Variants in CARS2 observed in about 807,000 individuals in gnomAD.
CARS2 encodes cysteinyl-tRNA synthetase 2, mitochondrial.
Under a neutral mutation model 68.8 loss-of-function variants are expected in CARS2, and 52 were observed. The ratio of observed to expected loss-of-function variants is 0.76; its 90% CI spans 0.61 to 0.95. The LOEUF is 0.95. Among genes scored for constraint, CARS2 ranks in the 40% least tolerant of loss-of-function variants. The probability of loss-of-function intolerance (pLI) is 0.00; values close to 1 mark genes in which losing one functional copy is unlikely to be tolerated. For missense variants in CARS2, 780 were observed against 754.2 expected (o/e 1.03, Z -0.40); for synonymous variants, 314 against 303.6 (o/e 1.03, Z -0.36).
intron 3 of CARS2, among the ~76,000 whole-genome samples, chr13:110,694,403 G>A (rs1269822119): frequency 6.6e-6 from 1 of 151,810 alleles, no homozygotes; most frequent in African/African-American, 2.4e-5. Flanking sequence ...TTGGGAGGCT[G>A]AGGCAGCTGG....
chr13:110,667,278 G>T, intron 8 of CARS2, 62 bp downstream of exon 8: 2 of 1,451,392 alleles, frequency 1.4e-6, no homozygotes, highest in Non-Finnish European at 1.9e-6. Flanking sequence ...TAGCTGTTCC[G>T]CCGACAAAGA....
At chr13:110,713,115 G>C (rs779842071) in intron 1 of CARS2, 3 of 1,430,992 alleles carry the variant, frequency 2.1e-6, no homozygotes, top group Non-Finnish European at 2.7e-6. Flanking sequence ...CTAGTAGTAA[G>C]AGTCCGGGGG....
intron 7 of CARS2, among the ~76,000 whole-genome samples, chr13:110,675,604 G>A (rs1377095446): frequency 4.6e-5 from 7 of 152,078 alleles, no homozygotes; most frequent in South Asian, 2.1e-4. Flanking sequence ...TATACCTAAC[G>A]TAGATGAGGA....
rs544582167 is a variant in CARS2, at chr13:110,661,151, A to G, written c.987+2300T>C. ...AAGTCACCAGCTACATTAGCCCCTAACAATAGTCAGCCTGTCCTTTGAAGC... is the reference window on the plus strand; with the variant it reads ...AAGTCACCAGCTACATTAGCCCCTAGCAATAGTCAGCCTGTCCTTTGAAGC... On this transcript the variant is annotated intron_variant, in intron 9 of 14. Transcript: ENST00000257347. Among the ~76,000 whole-genome samples, 105 of 152,342 alleles carry G rather than the reference A, an allele frequency of 6.9e-4. No individual in the cohort carries two copies. The Middle Eastern group carries it at 0.021, about 30-fold the overall frequency.
upstream of CARS2, chr13:110,706,181 G>T (rs2063954439): frequency 1.5e-5 from 14 of 964,316 alleles, no homozygotes; most frequent in Non-Finnish European, 3.9e-6. Context: ...GCCCCGCCCC[G>T]CCCCGCCCAC....
chr13:110,669,242 G>A (rs1315847855), intron 7 of CARS2, among the ~76,000 whole-genome samples: 2 of 152,168 alleles, frequency 1.3e-5, no homozygotes, highest in Non-Finnish European at 2.9e-5. Flanking sequence ...TGGGGGACAA[G>A]GCCTTCCCTC....
upstream of CARS2, among the ~76,000 whole-genome samples, chr13:110,711,311 G>A (rs1333782541): frequency 1.3e-5 from 2 of 152,106 alleles, no homozygotes; most frequent in Non-Finnish European, 2.9e-5. Context: ...CCCCTCCTAG[G>A]TTCAAGTGAT....
rs1164026172 is a variant in CARS2, at chr13:110,706,020, C to T, written c.74G>A (p.Gly25Glu). 7.0e-7 allele frequency: 1 copy of T among 1,435,752 alleles called. No individual in the cohort carries two copies. Among genetic ancestry groups the T allele is most frequent in the Admixed American group, 2.7e-5 (1 of 36,564 alleles). The allele number at this position is 1,435,752 out of a possible 1,614,324, so 88.9% of individuals were successfully genotyped here. The change falls in exon 1 of 15, where the codon GGG (glycine) becomes GAG (glutamate). Residue 25 changes from glycine to glutamate, a missense_variant. Transcript: ENST00000257347. ...CGCCCGGCCCGCAGGCCAGTGCCAC[C>T]CAGCCCGCCCAAGGCCCAGCGCGGC... is the stretch of plus-strand genomic sequence containing the variant. ...LQAALGLGRA[G>E]WHWPAGRAAS...
intron 6 of CARS2, among the ~76,000 whole-genome samples, chr13:110,679,650 C>CAGAG (rs1234954051): frequency 7.0e-5 from 3 of 43,162 alleles, no homozygotes; most frequent in South Asian, 2.5e-3. Flanking sequence ...CGGGCGTGAC[C>CAGAG]GGAGGGAGGG....
intron 10 of CARS2, among the ~76,000 whole-genome samples, chr13:110,647,465 C>T (rs1346159468): frequency 6.6e-6 from 1 of 152,208 alleles, no homozygotes; most frequent in Non-Finnish European, 1.5e-5. Flanking sequence ...AACAAGGTGG[C>T]GGTGGAGACA....
chr13:110,660,800 C>T (rs537004944), intron 9 of CARS2, among the ~76,000 whole-genome samples: 5 of 137,864 alleles, frequency 3.6e-5, no homozygotes, highest in South Asian at 2.3e-4. Flanking sequence ...GTCTAGCTGT[C>T]GCCCAGGCTG....
chr13:110,709,254 C>G (rs1318740739), upstream of CARS2, among the ~76,000 whole-genome samples: 1 of 151,718 alleles, frequency 6.6e-6, no homozygotes, highest in African/African-American at 2.4e-5. Context: ...GCCACCATGC[C>G]CAGCTAATTT....
Position 110,701,666 on chromosome 13 carries a change from C to CA in CARS2, c.276-112dup, listed in dbSNP as rs138129970. ...GCTCCATAACTTCTACTGTGTAGCA[C>CA]AATGGACAGGTCAGCGGAGCAGGTA... On this transcript the variant is annotated intron_variant, in intron 2 of 14. Coordinates refer to ENST00000257347, the MANE Select transcript of CARS2 (RefSeq NM_024537.4). 0.014 allele frequency: 9,839 copies of CA among 680,934 alleles called. 553 individuals carry two copies. The highest frequency in any genetic ancestry group is 0.13 in the African/African-American group (7,621 of 56,582). The allele number at this position is 680,934 out of a possible 1,614,324, so 42.2% of individuals were successfully genotyped here. A position where few individuals can be genotyped will look rare whatever the true frequency, so the allele number is the denominator to read the frequency against.
chr13:110,647,431 G>C (rs924337935), intron 10 of CARS2, among the ~76,000 whole-genome samples, 192 bp from the exon 11 acceptor site: 1 of 152,262 alleles, frequency 6.6e-6, no homozygotes, highest in South Asian at 2.1e-4. Flanking sequence ...GTCTGTCCCA[G>C]CTCAGTGGCA....
In CARS2 at chr13:110,651,069, A is replaced by G; in HGVS notation, c.1019T>C (p.Phe340Ser). 1 of 1,613,620 alleles carries G rather than the reference A, an allele frequency of 6.2e-7. No homozygotes were observed. The highest frequency in any genetic ancestry group is 8.5e-7 in the Non-Finnish European group (1 of 1,179,966). ...DFLKTFSPDV[F>S]RFFCLRSSYR... ...GCTGCTCCGCAGGCAGAAGAACCGG[A>G]AGACATCGGGGGAAAAGGTCTTCAG... Residue 340 changes from phenylalanine (F) to serine (S), a missense_variant, in exon 10 of 15, where the codon TTC becomes TCC. Physicochemically the swap from Phe to Ser is radical, Grantham distance 155. Coordinates refer to ENST00000257347, the MANE Select transcript of CARS2 (RefSeq NM_024537.4).
At chr13:110,649,240 T>C (rs2062134419) in intron 10 of CARS2, 1 of 152,254 alleles carries the variant, frequency 6.6e-6, no homozygotes, top group Non-Finnish European at 1.5e-5. Context: ...GCAGGTCCCC[T>C]GGGCCGATGC....
intron 6 of CARS2, among the ~76,000 whole-genome samples, chr13:110,679,065 T>A (rs558866330): frequency 6.8e-5 from 2 of 29,394 alleles, no homozygotes; most frequent in Admixed American, 4.8e-4. Context: ...GAGGGGTTAA[T>A]GAAACCCCGT....
chr13:110,667,567 C>T, intron 7 of CARS2, 94 bp from the exon 8 acceptor site: 2 of 1,134,298 alleles, frequency 1.8e-6, no homozygotes, highest in Non-Finnish European at 2.5e-6. Flanking sequence ...CTTTTTAATT[C>T]AATGAATAAA....
Position 110,679,569 on chromosome 13 carries a change from G to GAA in CARS2, c.656-2467_656-2466insTT, listed in dbSNP as rs1422792040. Among the ~76,000 whole-genome samples, 644 of 98,334 alleles carry GAA rather than the reference G, an allele frequency of 6.5e-3. 17 individuals are homozygous for GAA. The highest frequency in any genetic ancestry group is 0.045 in the South Asian group (110 of 2,420). The allele number at this position is 98,334 out of a possible 152,430, so 64.5% of individuals were successfully genotyped here. Reference sequence around the variant, plus strand: ...AAAAGAAAAGAAAGAAAGAAAGAAAGAGAGAGAAAGAAAGAAAGAAAGAAA... The same window carrying GAA: ...AAAAGAAAAGAAAGAAAGAAAGAAAGAAAGAGAGAAAGAAAGAAAGAAAGAAA... On this transcript the variant is annotated intron_variant, in intron 6 of 14. Coordinates refer to ENST00000257347, the MANE Select transcript of CARS2 (RefSeq NM_024537.4).
Sources: gnomAD v4.1 joint callset for allele counts (sites outside exome capture counted in the v4.1 genomes callset) on GRCh38, gnomAD v4.1.1 for gene constraint, MANE v1.5 for transcripts, NCBI Gene and HGNC (gene_info 2026-07-23, HGNC 2026-07-21) for gene names.